The following ZNF536 variants were observed in gnomAD, a reference collection of about 807,000 sequenced individuals.
The protein encoded by ZNF536 is zinc finger protein 536.
ZNF536 carries 13 observed loss-of-function variants against 84.5 expected under a neutral mutation model. The ratio of observed to expected loss-of-function variants is 0.15; its 90% CI spans 0.10 to 0.24. The LOEUF (loss-of-function observed/expected upper bound fraction) is 0.24, where lower values mean the gene tolerates loss of function less well. ZNF536 is among the 10% of genes least tolerant of loss of function. The pLI is 1.00. For synonymous variants in ZNF536, 811 were observed against 742.5 expected (o/e 1.09, Z -1.50); for missense variants, 1,536 against 1,747.5 (o/e 0.88, Z 2.16).
intron 1 of ZNF536, among the ~76,000 whole-genome samples, chr19:30,673,663 C>A (rs2050645547): frequency 6.6e-6 from 1 of 152,198 alleles, no homozygotes; most frequent in Non-Finnish European, 1.5e-5. Context: ...CCTAAGCCTG[C>A]TATCTCGTCA....
At chr19:30,629,611 G>A (rs1234013687) in intron 1 of ZNF536, among the ~76,000 whole-genome samples, 1 of 152,236 alleles carries the variant, frequency 6.6e-6, no homozygotes, top group Non-Finnish European at 1.5e-5. Flanking sequence ...AGGTTACAGA[G>A]CTGGTGAATG....
intron 3 of ZNF536, among the ~76,000 whole-genome samples, chr19:30,538,636 G>A (rs1226952538): frequency 6.6e-6 from 1 of 152,172 alleles, no homozygotes; most frequent in African/African-American, 2.4e-5. Context: ...AGGGGAGGCT[G>A]CTGCAGGATC....
At chr19:30,343,674 C>T (rs2047636690) in intron 2 of ZNF536, among the ~76,000 whole-genome samples, 2 of 152,280 alleles carry the variant, frequency 1.3e-5, no homozygotes, top group South Asian at 2.1e-4. Context: ...CCATAGTTTC[C>T]ACCTGATTTT....
intron 1 of ZNF536, among the ~76,000 whole-genome samples, chr19:30,611,405 T>A (rs1292714131): frequency 6.6e-6 from 1 of 152,168 alleles, no homozygotes; most frequent in Non-Finnish European, 1.5e-5. Context: ...CTTATACTCC[T>A]TATTATATTG....
At chr19:30,303,226 T>G (rs1217479632) in intron 2 of ZNF536, among the ~76,000 whole-genome samples, 1 of 152,196 alleles carries the variant, frequency 6.6e-6, no homozygotes, top group Admixed American at 6.5e-5. Context: ...GCTATACACC[T>G]GCTCCATCTC....
intron 1 of ZNF536, among the ~76,000 whole-genome samples, chr19:30,269,861 C>T (rs565292620): frequency 1.5e-4 from 23 of 152,176 alleles, no homozygotes; most frequent in Non-Finnish European, 3.1e-4. Flanking sequence ...TTCACCCAAA[C>T]AGGAGCCAAA....
chr19:30,347,778 A>G (rs1182745632), intron 2 of ZNF536, among the ~76,000 whole-genome samples: 1 of 152,150 alleles, frequency 6.6e-6, no homozygotes, highest in Non-Finnish European at 1.5e-5. Context: ...GAATATTCCT[A>G]TCTCCCCTTT....
chr19:30,438,093 CT>C (rs1159927592), intron 1 of ZNF536, among the ~76,000 whole-genome samples: 1 of 152,102 alleles, frequency 6.6e-6, no homozygotes, highest in African/African-American at 2.4e-5. Context: ...CCCTGGCTTC[CT>C]TTTTTAAAAT....
At chr19:30,253,568 A>G (rs900547165) in intron 1 of ZNF536, among the ~76,000 whole-genome samples, 5 of 152,048 alleles carry the variant, frequency 3.3e-5, no homozygotes, top group African/African-American at 1.2e-4. Context: ...CCTTGTTTTG[A>G]TTTGTTTTTC....
At chr19:30,535,969 C>G (rs2045059491) in intron 3 of ZNF536, among the ~76,000 whole-genome samples, 1 of 152,140 alleles carries the variant, frequency 6.6e-6, no homozygotes, top group Admixed American at 6.5e-5. Context: ...GGTGCCTCAC[C>G]TGGTCCCCAC....
Position 30,549,077 on chromosome 19 carries a change from C to T in ZNF536, c.3458C>T (p.Thr1153Met), listed in dbSNP as rs201256892. The stretch of plus-strand genomic sequence containing the variant: ...GTCCCCATCCTGATCCCCGAAACCA[C>T]GAGTAAGAACACTACTGATGACCTC... ...EDVPILIPET[T>M]SKNTTDDLSD... The change falls in exon 4 of 5, where the codon ACG (threonine) becomes ATG (methionine). Residue 1153 changes from threonine (T) to methionine (M), a missense_variant. Physicochemically the swap from Thr to Met is moderately conservative, Grantham distance 81. Coordinates refer to ENST00000355537, the MANE Select transcript of ZNF536 (RefSeq NM_014717.3). 190 of 1,614,170 alleles carry T rather than the reference C, an allele frequency of 1.2e-4. No individual in the cohort carries two copies. The highest frequency in any genetic ancestry group is 1.4e-4 in the Non-Finnish European group (170 of 1,180,038).
At chr19:30,616,374 T>C (rs2048294980) in intron 1 of ZNF536, among the ~76,000 whole-genome samples, 1 of 152,236 alleles carries the variant, frequency 6.6e-6, no homozygotes, top group Non-Finnish European at 1.5e-5. Context: ...GGGATTTGTG[T>C]TTAAATTTAT....
intron 1 of ZNF536, among the ~76,000 whole-genome samples, chr19:30,385,589 G>T (rs1054301936): frequency 6.6e-6 from 1 of 151,160 alleles, no homozygotes; most frequent in African/African-American, 2.4e-5. Context: ...GACATTCAAG[G>T]CATCTCCCCA....
chr19:30,508,511 GT>G (rs1303102580), intron 2 of ZNF536, among the ~76,000 whole-genome samples: 36 of 152,152 alleles, frequency 2.4e-4, no homozygotes, highest in African/African-American at 2.9e-4. Flanking sequence ...TGTGAGGCAG[GT>G]TTGATTTAAT....
At chr19:30,332,812 G>T (rs1314253166) in intron 2 of ZNF536, among the ~76,000 whole-genome samples, 1 of 152,332 alleles carries the variant, frequency 6.6e-6, no homozygotes, top group African/African-American at 2.4e-5. Flanking sequence ...CTGGTGTGGT[G>T]CCTCATGCCT....
rs977137639 is a variant in ZNF536 at position 30,545,567 on chromosome 19, G to A, written c.2324-2376G>A. 2.6e-5 allele frequency among the ~76,000 whole-genome samples: 4 copies of A among 151,422 alleles called. No individual in the cohort carries two copies. The East Asian group carries it at 7.8e-4, about 30-fold the overall frequency. On this transcript the variant is annotated intron_variant, in intron 3 of 4. Coordinates refer to ENST00000355537, the MANE Select transcript of ZNF536 (RefSeq NM_014717.3). ...CACCCACCACCACGCCCGGCTAATT[G>A]TTTGTATTTTTAGTAGAGACGGGGT... is the stretch of plus-strand genomic sequence containing the variant.
intron 1 of ZNF536, among the ~76,000 whole-genome samples, chr19:30,277,283 A>C (rs147483441): frequency 4.5e-4 from 69 of 152,268 alleles, no homozygotes; most frequent in African/African-American, 1.6e-3. Context: ...GGCTCTGAGC[A>C]TCTTGGCTTT....
rs77677639 is a variant in ZNF536 at position 30,404,321 on chromosome 19, G to T, written c.-3+31765G>T. Reference sequence around the variant, plus strand: ...TCTGTATTTGGGGCAGGCCAGAGGGGGACACTGTTTTCTGGCACCCCAGCA... The same window carrying T: ...TCTGTATTTGGGGCAGGCCAGAGGGTGACACTGTTTTCTGGCACCCCAGCA... On this transcript the variant is annotated intron_variant, in intron 1 of 4. Transcript: ENST00000355537. 9.0e-3 allele frequency among the ~76,000 whole-genome samples: 1,362 copies of T among 151,292 alleles called. 27 individuals carry two copies. The highest frequency in any genetic ancestry group is 0.032 in the African/African-American group (1,311 of 41,158).
intron 1 of ZNF536, among the ~76,000 whole-genome samples, chr19:30,700,240 C>CTCTCTT (rs1555843555): frequency 2.8e-5 from 3 of 108,288 alleles, no homozygotes; most frequent in Non-Finnish European, 3.8e-5. Flanking sequence ...TTCTTTCTTT[C>CTCTCTT]TCTCTCTCTC....
Sources: gnomAD v4.1 joint callset for allele counts (sites outside exome capture counted in the v4.1 genomes callset) on GRCh38, gnomAD v4.1.1 for gene constraint, MANE v1.5 for transcripts, NCBI Gene and HGNC (gene_info 2026-07-23, HGNC 2026-07-21) for gene names.